Variants in RANBP2 observed in about 807,000 individuals in gnomAD.
The protein encoded by RANBP2 is RAN binding protein 2.
In RANBP2, 57 loss-of-function variants were observed where a neutral mutation model predicts 303.6. The ratio of observed to expected loss-of-function variants is 0.19; its 90% CI spans 0.15 to 0.23. The LOEUF (loss-of-function observed/expected upper bound fraction) is 0.23. RANBP2 is among the 10% of genes least tolerant of loss of function. The pLI is 1.00. For synonymous variants in RANBP2, 1,167 were observed against 1,301.5 expected, an observed-to-expected ratio of 0.90 and a Z score of 2.23; for missense variants, 3,138 against 3,780.8, an observed-to-expected ratio of 0.83 and a Z score of 4.46.
the RANBP2 span, among the ~76,000 whole-genome samples, chr2:109,027,750 G>C: frequency 6.6e-6 from 1 of 151,516 alleles, no homozygotes; most frequent in East Asian, 2.0e-4. Context: ...TGGGCTCCAG[G>C]AGTGGGCGGG....
At chr2:108,879,120 G>A in the RANBP2 span, among the ~76,000 whole-genome samples, 8 of 152,224 alleles carry the variant, frequency 5.3e-5, no homozygotes, top group East Asian at 1.9e-4. Context: ...CTAGCAAACC[G>A]TTGCAGTCTT....
chr2:109,160,047 TC>T, the RANBP2 span, among the ~76,000 whole-genome samples: 1 of 152,222 alleles, frequency 6.6e-6, no homozygotes, highest in Non-Finnish European at 1.5e-5. Flanking sequence ...AAAGTCATCT[TC>T]CATGAAACCA....
At chr2:108,992,832 G>T in the RANBP2 span, among the ~76,000 whole-genome samples, 1 of 152,342 alleles carries the variant, frequency 6.6e-6, no homozygotes, top group South Asian at 2.1e-4. Flanking sequence ...TCGTGGCACA[G>T]TGGCTCCCAG....
At chr2:109,060,708 T>C in the RANBP2 span, among the ~76,000 whole-genome samples, 2 of 152,204 alleles carry the variant, frequency 1.3e-5, no homozygotes, top group Non-Finnish European at 2.9e-5. Flanking sequence ...GGACACCAGC[T>C]CCAGGATGAT....
At chr2:108,981,833 G>A in the RANBP2 span, among the ~76,000 whole-genome samples, 2 of 152,222 alleles carry the variant, frequency 1.3e-5, no homozygotes, top group Non-Finnish European at 2.9e-5. Flanking sequence ...CTGCACATGT[G>A]TGAAGCAGTG....
the RANBP2 span, among the ~76,000 whole-genome samples, chr2:109,259,231 G>A: frequency 2.6e-5 from 4 of 152,324 alleles, no homozygotes; most frequent in Non-Finnish European, 2.9e-5. Flanking sequence ...GGATTAAAGG[G>A]TGTCCTGGCC....
At chr2:109,029,978 T>G in the RANBP2 span, among the ~76,000 whole-genome samples, 1 of 152,218 alleles carries the variant, frequency 6.6e-6, no homozygotes, top group Non-Finnish European at 1.5e-5. Flanking sequence ...ATTGATGGAT[T>G]GATTGATTCA....
the RANBP2 span, among the ~76,000 whole-genome samples, chr2:109,474,449 G>C: frequency 9.2e-5 from 14 of 152,208 alleles, no homozygotes; most frequent in Non-Finnish European, 1.6e-4. Context: ...GCTCGCTACT[G>C]ATGGGAACCT....
At chr2:109,060,331 C>T in the RANBP2 span, among the ~76,000 whole-genome samples, 2 of 152,138 alleles carry the variant, frequency 1.3e-5, no homozygotes, top group Admixed American at 1.3e-4. Context: ...CTCCTGGAGT[C>T]CTTTGTCTGC....
chr2:109,095,142 TG>T, the RANBP2 span, among the ~76,000 whole-genome samples: 1 of 149,780 alleles, frequency 6.7e-6, no homozygotes, highest in Middle Eastern at 3.5e-3. Context: ...AGATAAGGCC[TG>T]GGAACATGTG....
At chr2:109,418,473 G>A in the RANBP2 span, among the ~76,000 whole-genome samples, 1 of 152,104 alleles carries the variant, frequency 6.6e-6, no homozygotes, top group African/African-American at 2.4e-5. Context: ...GGCTTTGGTG[G>A]CTGCCGGCAT....
chr2:108,832,464 C>T, the RANBP2 span, among the ~76,000 whole-genome samples: 5 of 151,372 alleles, frequency 3.3e-5, no homozygotes, highest in East Asian at 3.9e-4. Flanking sequence ...TCTCCTGCCT[C>T]GGCCTCCCAA....
the RANBP2 span, among the ~76,000 whole-genome samples, chr2:109,151,920 AT>A: frequency 6.6e-6 from 1 of 152,368 alleles, no homozygotes; most frequent in South Asian, 2.1e-4. Flanking sequence ...TTTGAAGTTA[AT>A]ATAATAACAG....
chr2:108,817,316 C>T, the RANBP2 span, among the ~76,000 whole-genome samples: 666 of 149,806 alleles, frequency 4.4e-3, 3 homozygotes, highest in African/African-American at 0.016. Context: ...TTTTTTGAGG[C>T]GGAGTTTTGC....
At chr2:109,032,437 C>T in the RANBP2 span, among the ~76,000 whole-genome samples, 1 of 152,224 alleles carries the variant, frequency 6.6e-6, no homozygotes, top group Admixed American at 6.5e-5. Flanking sequence ...AGACTCAGCA[C>T]CCTGTCTGGT....
chr2:109,614,097 C>T, the RANBP2 span: 2 of 1,209,948 alleles, frequency 1.7e-6, no homozygotes, highest in African/African-American at 1.6e-5. Flanking sequence ...GAGGACTGAG[C>T]GTCAGCGTTG....
the RANBP2 span, among the ~76,000 whole-genome samples, chr2:109,300,565 A>G: frequency 1.3e-5 from 2 of 152,200 alleles, no homozygotes; most frequent in South Asian, 2.1e-4. Flanking sequence ...ATCCTTTTCC[A>G]TAGGGGATGG....
the RANBP2 span, among the ~76,000 whole-genome samples, chr2:109,588,819 G>A: frequency 6.9e-6 from 1 of 145,584 alleles, no homozygotes; most frequent in Non-Finnish European, 1.5e-5. Flanking sequence ...AAGGTTGGGT[G>A]TGGTAAGTTA....
chr2:109,622,774 C>A, the RANBP2 span, among the ~76,000 whole-genome samples: 1 of 152,156 alleles, frequency 6.6e-6, no homozygotes, highest in African/African-American at 2.4e-5. Context: ...ACCAGCAACA[C>A]GGCATCTGGT....
Sources: allele counts gnomAD v4.1 joint callset (sites outside exome capture counted in the v4.1 genomes callset), GRCh38; gene constraint gnomAD v4.1.1; transcripts MANE v1.5; gene names NCBI Gene and HGNC (gene_info 2026-07-23, HGNC 2026-07-21).